DENND1A: variants seen among roughly 807,000 people sequenced by gnomAD.
The protein encoded by DENND1A is DENN domain containing 1A.
A neutral mutation model predicts 113.7 loss-of-function variants in DENND1A; 51 were observed. That is an observed-to-expected ratio of 0.45 (90% CI 0.36 to 0.57). The LOEUF is 0.57. DENND1A is among the 20% of genes least tolerant of loss of function. DENND1A has a pLI of 0.00. For synonymous variants in DENND1A, 565 were observed against 570.8 expected, an observed-to-expected ratio of 0.99 and a Z score of 0.14; for missense variants, 1,258 against 1,395.9, an observed-to-expected ratio of 0.90 and a Z score of 1.57.
chr9:123,737,387 T>C (rs2068646072), intron 5 of DENND1A, among the ~76,000 whole-genome samples: 1 of 152,018 alleles, frequency 6.6e-6, no homozygotes. Context: ...GGGGTCTCAT[T>C]ATGTTGCTCA....
chr9:123,851,024 C>T (rs183708497), intron 2 of DENND1A, among the ~76,000 whole-genome samples: 3 of 152,122 alleles, frequency 2.0e-5, no homozygotes, highest in African/African-American at 7.2e-5. Context: ...TCAAGAGACA[C>T]GTCTTCAACA....
intron 19 of DENND1A, chr9:123,440,109 T>G (rs1166335551): frequency 1.8e-5 from 7 of 382,280 alleles, no homozygotes; most frequent in Admixed American, 4.6e-5. Flanking sequence ...GAGGCAGCAG[T>G]GCATTTAATG....
chr9:123,619,405 CATTGATTGACTG>C (rs916706455), intron 10 of DENND1A, among the ~76,000 whole-genome samples: 2 of 151,304 alleles, frequency 1.3e-5, no homozygotes, highest in Admixed American at 6.6e-5. Context: ...TGTATACATA[CATTGATTGACTG>C]ATTGATTGAT....
Position 123,460,163 on chromosome 9 carries a change from C to G in DENND1A, c.994-2266G>C, listed in dbSNP as rs547022598. Among the ~76,000 whole-genome samples the G allele has an allele frequency of 3.3e-5, 5 of 152,240 alleles. No homozygotes were observed. In the East Asian group the frequency reaches 7.7e-4, roughly 23 times the overall value. ...AACAATGCAAACTTTATTTTGTGTACGAGAAAAAAACCCCACACTAGTTCC... is the reference window on the plus strand; with the variant it reads ...AACAATGCAAACTTTATTTTGTGTAGGAGAAAAAAACCCCACACTAGTTCC... On this transcript the variant is annotated intron_variant, in intron 13 of 23. Transcript: ENST00000394215.
In DENND1A at chr9:123,889,725, C is replaced by T. The variant is rs571826248; in HGVS notation, c.18-10704G>A. On this transcript the variant is annotated intron_variant, in intron 1 of 23. Coordinates refer to ENST00000394215, the MANE Select transcript of DENND1A (RefSeq NM_001352964.2). ...TGGTGGCTCATACCTGTAATTCCAGCACTTTGGGAGGCCGAGGCAGGTAGA... is the reference window on the plus strand; with the variant it reads ...TGGTGGCTCATACCTGTAATTCCAGTACTTTGGGAGGCCGAGGCAGGTAGA... 8.5e-5 allele frequency among the ~76,000 whole-genome samples: 13 copies of T among 152,254 alleles called. No homozygotes were observed. In the South Asian group the frequency reaches 2.7e-3, roughly 32 times the overall value.
At chr9:123,402,042 T>G in intron 21 of DENND1A, 1 of 1,287,044 alleles carries the variant, frequency 7.8e-7, no homozygotes, top group East Asian at 2.4e-5. Flanking sequence ...GTGACAAATT[T>G]CATCCCCTTA....
At chr9:123,494,684 C>T (rs1328462383) in intron 13 of DENND1A, among the ~76,000 whole-genome samples, 1 of 152,236 alleles carries the variant, frequency 6.6e-6, no homozygotes, top group Non-Finnish European at 1.5e-5. Context: ...AGTGCCTACT[C>T]TGCCTAGAAG....
chr9:123,721,906 A>G (rs779176905), intron 5 of DENND1A, among the ~76,000 whole-genome samples: 8 of 152,204 alleles, frequency 5.3e-5, no homozygotes, highest in Non-Finnish European at 8.8e-5. Context: ...AGAGTGGGGC[A>G]TTGCTGAAAA....
At chr9:123,431,253 A>C (rs974828512) in intron 19 of DENND1A, among the ~76,000 whole-genome samples, 1 of 152,148 alleles carries the variant, frequency 6.6e-6, no homozygotes, top group Non-Finnish European at 1.5e-5. Flanking sequence ...TTTACCCTGC[A>C]TTCTACTCTC....
chr9:123,824,496 CA>C (rs1838999291), intron 2 of DENND1A, among the ~76,000 whole-genome samples: 1 of 152,054 alleles, frequency 6.6e-6, no homozygotes. Flanking sequence ...TTTGGAAAAT[CA>C]CCAATGGACT....
intron 5 of DENND1A, among the ~76,000 whole-genome samples, chr9:123,738,441 T>TTGTGTGTGTGTGTGTG (rs760641686): frequency 6.0e-4 from 74 of 123,442 alleles, no homozygotes; most frequent in Non-Finnish European, 8.3e-4. Context: ...TGTCAACAGC[T>TTGTGTGTGTGTGTGTG]TCTGTGTGTG....
At chr9:123,857,984 G>A (rs747343699) in intron 2 of DENND1A, among the ~76,000 whole-genome samples, 1 of 151,758 alleles carries the variant, frequency 6.6e-6, no homozygotes, top group East Asian at 1.9e-4. Flanking sequence ...GCGTGAACCC[G>A]GGAGGCGGAG....
At chr9:123,542,431 C>T (rs143547736) in intron 13 of DENND1A, among the ~76,000 whole-genome samples, 1 of 152,172 alleles carries the variant, frequency 6.6e-6, no homozygotes, top group African/African-American at 2.4e-5. Context: ...TATTCATTTG[C>T]CTGGGGAAGG....
chr9:123,593,951 C>T (rs1009646262), intron 11 of DENND1A, among the ~76,000 whole-genome samples: 4 of 151,792 alleles, frequency 2.6e-5, no homozygotes, highest in Non-Finnish European at 5.9e-5. Context: ...TAGCATTCCC[C>T]TCTCTCTCTC....
At chr9:123,430,646 G>A (rs2046069899) in intron 19 of DENND1A, among the ~76,000 whole-genome samples, 1 of 152,156 alleles carries the variant, frequency 6.6e-6, no homozygotes, top group Non-Finnish European at 1.5e-5. Context: ...CACACTGGGG[G>A]AATAACACAT....
At position 123,381,777 on chromosome 9, in the gene DENND1A, G is replaced by C. The variant is rs1018097462; in HGVS notation, c.2868C>G (p.Leu956=). Residue 956 remains leucine (L), a synonymous_variant, in exon 24 of 24, where the codon CTC becomes CTG. Transcript: ENST00000394215. The surrounding 1 kb of genome is among the most constrained non-coding windows in gnomAD (Gnocchi z 4.7). ...GGGTGCCCATGGGCATCTGGCCAAA[G>C]AGGTTGGGCATGGAGAGGGCGGAGA... is the stretch of plus-strand genomic sequence containing the variant. ...PNLSALSMPN[L]FGQMPMGTHT... The C allele has an allele frequency of 7.3e-6, 11 of 1,515,190 alleles. No individual in the cohort carries two copies. The East Asian group carries it at 2.7e-4, about 37-fold the overall frequency. 93.9% of individuals were successfully genotyped at this position (1,515,190 alleles called of 1,614,324 possible).
chr9:123,393,576 G>T (rs1288872313), intron 21 of DENND1A, among the ~76,000 whole-genome samples: 1 of 151,808 alleles, frequency 6.6e-6, no homozygotes, highest in African/African-American at 2.4e-5. Context: ...AACCAAGACT[G>T]CAGGGTCTCT....
chr9:123,738,871 G>A (rs2068771885), intron 5 of DENND1A, among the ~76,000 whole-genome samples: 1 of 152,142 alleles, frequency 6.6e-6, no homozygotes, highest in African/African-American at 2.4e-5. Flanking sequence ...ATTGAGCAAA[G>A]TAAGAAAAGT....
chr9:123,804,228 T>C (rs1251231384), intron 2 of DENND1A, among the ~76,000 whole-genome samples: 1 of 152,232 alleles, frequency 6.6e-6, no homozygotes, highest in African/African-American at 2.4e-5. Context: ...CTGCCATCCA[T>C]GTAATACGTG....
Sources: allele counts gnomAD v4.1 joint callset (sites outside exome capture counted in the v4.1 genomes callset), GRCh38; gene constraint gnomAD v4.1.1; non-coding constraint Gnocchi (gnomAD v3.1); transcripts MANE v1.5; gene names NCBI Gene and HGNC (gene_info 2026-07-23, HGNC 2026-07-21).